The following MICAL3 variants were observed in gnomAD, a reference collection of about 807,000 sequenced individuals.
MICAL3 encodes the protein microtubule associated monooxygenase, calponin and LIM domain containing 3.
MICAL3 carries 62 observed loss-of-function variants against 207.4 expected under a neutral mutation model. The observed-to-expected ratio is 0.30, with a 90% CI of 0.24 to 0.37. MICAL3 has a LOEUF of 0.37. Ranked by LOEUF, MICAL3 falls within the 10% of genes least tolerant of loss-of-function variation. MICAL3 has a pLI of 1.00. For synonymous variants in MICAL3, 1,077 were observed against 1,069.3 expected (o/e 1.01, Z -0.14); for missense variants, 2,368 against 2,635.6 (o/e 0.90, Z 2.22).
In MICAL3 at chr22:17,827,748, G is replaced by A. The variant is rs775494131; in HGVS notation, c.3089C>T (p.Ala1030Val). 1.9e-5 allele frequency: 29 copies of A among 1,557,860 alleles called. No homozygotes were observed. Among genetic ancestry groups the A allele is most frequent in the South Asian group, 2.4e-5 (2 of 84,426 alleles). The change falls in exon 22 of 32, where the codon GCG (alanine) becomes GTG (valine). Residue 1030 changes from alanine (A) to valine (V), a missense_variant. Coordinates refer to ENST00000441493, the MANE Select transcript of MICAL3 (RefSeq NM_015241.3). ...AGCCTGGATCTCCAGAGGATCCGCC[G>A]CGTGCATGACCTGCTGGAGCCTCTG... ...GNQRLQQVMHAADPLEIQADV... is the reference protein window; with the variant it reads ...GNQRLQQVMHVADPLEIQADV...
At chr22:17,885,375 T>A (rs895339032) in intron 16 of MICAL3, among the ~76,000 whole-genome samples, 1 of 152,030 alleles carries the variant, frequency 6.6e-6, no homozygotes, top group Admixed American at 6.5e-5. Flanking sequence ...AGGAACAACA[T>A]GGGAACGCCT....
Position 17,902,521 on chromosome 22 carries a change from G to A in MICAL3, c.589+110C>T, listed in dbSNP as rs1931406969. ...CCAAGTCCCCAAAGGCACAGGCTTTGGCTAGCTCTGGAAGCAGCCCTCAGG... is the reference window on the plus strand; with the variant it reads ...CCAAGTCCCCAAAGGCACAGGCTTTAGCTAGCTCTGGAAGCAGCCCTCAGG... On this transcript the variant is annotated intron_variant, in intron 4 of 31. Transcript: ENST00000441493. The surrounding 1 kb of genome is among the most constrained non-coding windows in gnomAD (Gnocchi z 4.5). 8 of 629,996 alleles carry A rather than the reference G, an allele frequency of 1.3e-5. No individual in the cohort carries two copies. In the South Asian group the frequency reaches 1.6e-4, roughly 13 times the overall value. The allele number at this position is 629,996 out of a possible 1,614,324, so 39.0% of individuals were successfully genotyped here.
intron 19 of MICAL3, among the ~76,000 whole-genome samples, chr22:17,856,302 T>C (rs146708048): frequency 3.0e-4 from 45 of 152,354 alleles, no homozygotes; most frequent in Admixed American, 2.0e-3. Context: ...GAGGGCTTTC[T>C]TGGTTGCAAA....
Position 18,001,124 on chromosome 22 carries a change from G to C in MICAL3, c.-75+23157C>G, listed in dbSNP as rs938232195. 7 of 152,280 alleles carry C rather than the reference G, an allele frequency of 4.6e-5. No individual in the cohort carries two copies. In the East Asian group the frequency reaches 7.8e-4, roughly 17 times the overall value. 9.4% of individuals were successfully genotyped at this position (152,280 alleles called of 1,614,324 possible). A position where few individuals can be genotyped will look rare whatever the true frequency, so the allele number is the denominator to read the frequency against. On this transcript the variant is annotated intron_variant, in intron 1 of 31. Transcript: ENST00000441493. ...ATCCTCCGGCGGGAGGTGACCACAC[G>C]GGAACGCGAGGCGGGGGCTTCCTCG...
chr22:17,985,001 A>G (rs12165570), intron 1 of MICAL3, among the ~76,000 whole-genome samples: 30,926 of 152,060 alleles, frequency 0.2, 3,306 homozygotes, highest in Middle Eastern at 0.27. Context: ...TGGAGAGTAA[A>G]GCAGAGTAAA....
intron 1 of MICAL3, among the ~76,000 whole-genome samples, chr22:17,981,618 T>A (rs1935910869): frequency 6.6e-6 from 1 of 152,152 alleles, no homozygotes; most frequent in Non-Finnish European, 1.5e-5. Context: ...AAGGCTAATG[T>A]CCAGCCCCCA....
At chr22:17,963,670 A>G (rs993706485) in intron 1 of MICAL3, among the ~76,000 whole-genome samples, 19 of 152,124 alleles carry the variant, frequency 1.2e-4, no homozygotes, top group Non-Finnish European at 1.3e-4. Flanking sequence ...AAGCCATAGG[A>G]GTCACCACAA....
chr22:17,956,925 T>G (rs1030205658), intron 1 of MICAL3, among the ~76,000 whole-genome samples: 1 of 152,176 alleles, frequency 6.6e-6, no homozygotes, highest in African/African-American at 2.4e-5. Context: ...TTCTCAAACT[T>G]CCTTGAAGCT....
At chr22:17,866,678 A>AATAGAATAGAAT in intron 17 of MICAL3, among the ~76,000 whole-genome samples, 1 of 149,400 alleles carries the variant, frequency 6.7e-6, no homozygotes, top group African/African-American at 2.5e-5. Context: ...TATAGAATAG[A>AATAGAATAGAAT]ATAGAATAGA....
At chr22:17,944,630 G>A (rs1241726396) in intron 1 of MICAL3, among the ~76,000 whole-genome samples, 2 of 152,176 alleles carry the variant, frequency 1.3e-5, no homozygotes, top group African/African-American at 4.8e-5. Context: ...GTGAGCACAC[G>A]CACCCACTGA....
At chr22:17,949,935 C>T (rs558145237) in intron 1 of MICAL3, among the ~76,000 whole-genome samples, 26 of 152,348 alleles carry the variant, frequency 1.7e-4, no homozygotes, top group African/African-American at 6.3e-4. Flanking sequence ...AGCTCCTGGG[C>T]CAAGCCCATG....
intron 16 of MICAL3, among the ~76,000 whole-genome samples, chr22:17,880,269 C>T (rs1015725155): frequency 6.6e-6 from 1 of 152,224 alleles, no homozygotes; most frequent in Non-Finnish European, 1.5e-5. Context: ...ATACTTCAGT[C>T]TCCTCCCTGG....
intron 1 of MICAL3, among the ~76,000 whole-genome samples, chr22:17,970,303 C>T (rs113713496): frequency 1.1e-3 from 164 of 152,342 alleles, no homozygotes; most frequent in Non-Finnish European, 2.0e-3. Flanking sequence ...CTTGAGTGAG[C>T]GGCTGACCAG....
intron 1 of MICAL3, among the ~76,000 whole-genome samples, chr22:17,985,725 G>A (rs1920975052): frequency 6.6e-6 from 1 of 152,088 alleles, no homozygotes. Flanking sequence ...AACTCACTGT[G>A]CAGCAGCAGA....
Position 17,989,192 on chromosome 22 carries a change from C to T in MICAL3, c.-75+35089G>A, listed in dbSNP as rs1344035608. Among the ~76,000 whole-genome samples the T allele has an allele frequency of 3.9e-5, 6 of 152,184 alleles. 1 individual carries two copies. In the South Asian group the frequency reaches 1.2e-3, roughly 32 times the overall value. On this transcript the variant is annotated intron_variant, in intron 1 of 31. Transcript: ENST00000441493. ...AGAATAAACAAGAAAGCCCTCAACG[C>T]CATGCCTTTGCTCATGCTGTTCTCT...
Position 18,024,419 on chromosome 22 carries a change from C to A in MICAL3, c.-213G>T, listed in dbSNP as rs1173521839. 1 of 152,194 alleles carries A rather than the reference C, an allele frequency of 6.6e-6. No homozygotes were observed. Among genetic ancestry groups the A allele is most frequent in the Non-Finnish European group, 1.5e-5 (1 of 68,054 alleles). The allele number at this position is 152,194 out of a possible 1,614,324, so 9.4% of individuals were successfully genotyped here. Reference sequence around the variant, plus strand: ...AGCTGCGATCCCGCCCAGTTAGCCTCGGGGGCTGCACAGCCCAGCCCCCTC... The same window carrying A: ...AGCTGCGATCCCGCCCAGTTAGCCTAGGGGGCTGCACAGCCCAGCCCCCTC... On this transcript the variant is annotated 5_prime_UTR_variant, in exon 1 of 32. Coordinates refer to ENST00000441493, the MANE Select transcript of MICAL3 (RefSeq NM_015241.3).
intron 1 of MICAL3, among the ~76,000 whole-genome samples, chr22:17,962,259 C>G (rs1451208352): frequency 6.8e-6 from 1 of 146,150 alleles, no homozygotes; most frequent in Non-Finnish European, 1.5e-5. Context: ...CAAACATGTC[C>G]TCAACTGGGC....
At chr22:18,014,116 G>GACAC (rs35404796) in intron 1 of MICAL3, among the ~76,000 whole-genome samples, 3,446 of 147,988 alleles carry the variant, frequency 0.023, 104 homozygotes, top group African/African-American at 0.066. Context: ...CCCTCTCTTA[G>GACAC]ACACACACAC....
intron 27 of MICAL3, among the ~76,000 whole-genome samples, chr22:17,815,826 T>G (rs889457639): frequency 2.0e-5 from 3 of 152,208 alleles, no homozygotes; most frequent in Admixed American, 1.3e-4. Flanking sequence ...CTTCACCAAA[T>G]GGGCACGTGA....
Sources: allele counts gnomAD v4.1 joint callset (sites outside exome capture counted in the v4.1 genomes callset), GRCh38; gene constraint gnomAD v4.1.1; non-coding constraint Gnocchi (gnomAD v3.1); transcripts MANE v1.5; gene names NCBI Gene and HGNC (gene_info 2026-07-23, HGNC 2026-07-21).